The following ZCWPW2 variants were observed in gnomAD, a reference collection of about 807,000 sequenced individuals.
ZCWPW2 encodes zinc finger CW-type and PWWP domain containing 2, also known as zinc finger CW-type PWWP domain protein 2.
In ZCWPW2, 45 loss-of-function variants were observed where a neutral mutation model predicts 46.6. The observed-to-expected ratio is 0.96, with a 90% confidence interval of 0.76 to 1.24. The LOEUF (loss-of-function observed/expected upper bound fraction) is 1.24. Ranked by LOEUF, ZCWPW2 falls within the 50% of genes most tolerant of loss-of-function variation. The pLI is 0.00. For missense variants in ZCWPW2, 429 were observed against 403.9 expected (o/e 1.06, Z -0.53); for synonymous variants, 152 against 137.1 (o/e 1.11, Z -0.76).
intron 1 of ZCWPW2, among the ~76,000 whole-genome samples, chr3:28,373,900 C>T (rs993464028): frequency 6.6e-6 from 1 of 152,106 alleles, no homozygotes; most frequent in Non-Finnish European, 1.5e-5. Context: ...GGTTATTAAT[C>T]CCATCTCAGA....
At chr3:28,424,138 T>C (rs1320956877) in intron 3 of ZCWPW2, among the ~76,000 whole-genome samples, 2 of 152,044 alleles carry the variant, frequency 1.3e-5, no homozygotes. Flanking sequence ...ATATTCTGGC[T>C]CACTACCTTG....
At chr3:28,422,386 C>G (rs1696828205) in intron 3 of ZCWPW2, among the ~76,000 whole-genome samples, 1 of 152,134 alleles carries the variant, frequency 6.6e-6, no homozygotes, top group African/African-American at 2.4e-5. Context: ...ACCCTTCTAT[C>G]CCTCCAAACT....
intron 3 of ZCWPW2, among the ~76,000 whole-genome samples, chr3:28,423,978 G>A (rs1367927089): frequency 6.6e-6 from 1 of 152,024 alleles, no homozygotes; most frequent in African/African-American, 2.4e-5. Flanking sequence ...GGTGGTGTGT[G>A]TCAGGTTTGG....
At chr3:28,434,378 T>C (rs1167587104) in intron 3 of ZCWPW2, among the ~76,000 whole-genome samples, 1 of 152,078 alleles carries the variant, frequency 6.6e-6, no homozygotes, top group Non-Finnish European at 1.5e-5. Context: ...AAAAGTAGAA[T>C]AGAATGGGTA....
chr3:28,435,488 T>G (rs865868341), intron 4 of ZCWPW2, among the ~76,000 whole-genome samples: 348 of 147,566 alleles, frequency 2.4e-3, no homozygotes, highest in African/African-American at 7.9e-3. Flanking sequence ...TTTCTGTCTT[T>G]TTTTTTTTTT....
chr3:28,369,164 A>G (rs6804419), intron 1 of ZCWPW2, among the ~76,000 whole-genome samples: 3,990 of 152,242 alleles, frequency 0.026, 152 homozygotes, highest in African/African-American at 0.085. Flanking sequence ...CAACTCGTCA[A>G]AGTCATTCTC....
At chr3:28,432,871 G>T (rs984201101) in intron 3 of ZCWPW2, among the ~76,000 whole-genome samples, 7 of 152,146 alleles carry the variant, frequency 4.6e-5, no homozygotes, top group African/African-American at 1.7e-4. Flanking sequence ...ATCTTTTTCA[G>T]TTTTATTTCA....
chr3:28,407,568 G>A (rs1407529054), intron 2 of ZCWPW2, among the ~76,000 whole-genome samples: 1 of 152,132 alleles, frequency 6.6e-6, no homozygotes, highest in Non-Finnish European at 1.5e-5. Flanking sequence ...ATTTTGAGTG[G>A]TTAACTAATT....
At chr3:28,430,764 T>G (rs776268324) in intron 3 of ZCWPW2, among the ~76,000 whole-genome samples, 14 of 152,080 alleles carry the variant, frequency 9.2e-5, no homozygotes, top group Middle Eastern at 3.2e-3. Flanking sequence ...CTCATGAGAT[T>G]TGATGGTTTT....
intron 2 of ZCWPW2, among the ~76,000 whole-genome samples, chr3:28,403,823 G>A (rs1245375433): frequency 6.6e-6 from 1 of 152,130 alleles, no homozygotes; most frequent in Non-Finnish European, 1.5e-5. Context: ...AATGGTGCTG[G>A]GATAATTGGC....
chr3:28,468,358 A>C (rs1698906390), intron 4 of ZCWPW2, among the ~76,000 whole-genome samples: 1 of 152,140 alleles, frequency 6.6e-6, no homozygotes, highest in African/African-American at 2.4e-5. Flanking sequence ...TATTGGCCTT[A>C]AAGAGGAAGT....
At chr3:28,496,136 A>G (rs1390745602) in intron 6 of ZCWPW2, among the ~76,000 whole-genome samples, 5 of 152,062 alleles carry the variant, frequency 3.3e-5, no homozygotes, top group Non-Finnish European at 5.9e-5. Context: ...TTTACTGAAC[A>G]CTTGGTAACA....
At chr3:28,421,633 G>A (rs955534084) in intron 3 of ZCWPW2, among the ~76,000 whole-genome samples, 1 of 151,890 alleles carries the variant, frequency 6.6e-6, no homozygotes, top group African/African-American at 2.4e-5. Flanking sequence ...CCCAGCTGAG[G>A]AATATAAAGT....
At chr3:28,460,767 G>A (rs1219104256) in intron 4 of ZCWPW2, among the ~76,000 whole-genome samples, 2 of 152,184 alleles carry the variant, frequency 1.3e-5, no homozygotes, top group Admixed American at 6.5e-5. Flanking sequence ...GGAAAAGAGC[G>A]ATAGCTTTGG....
chr3:28,515,440 C>A, intron 7 of ZCWPW2, 114 bp from the exon 8 acceptor site: 1 of 794,386 alleles, frequency 1.3e-6, no homozygotes, highest in Non-Finnish European at 2.0e-6. Flanking sequence ...AGAGAATTAC[C>A]TTTAGAAAAT....
intron 1 of ZCWPW2, among the ~76,000 whole-genome samples, chr3:28,355,489 G>GA (rs1327130223): frequency 2.0e-5 from 3 of 152,206 alleles, no homozygotes; most frequent in Admixed American, 1.3e-4. Context: ...CACAGAATTG[G>GA]AAAAAACTAC....
At chr3:28,522,962 A>G (rs556359264) in intron 9 of ZCWPW2, among the ~76,000 whole-genome samples, 1 of 152,288 alleles carries the variant, frequency 6.6e-6, no homozygotes, top group African/African-American at 2.4e-5. Flanking sequence ...ATACAGCCAG[A>G]TTGATCTTTA....
rs369729126 is a variant in ZCWPW2, at chr3:28,435,578, T to C, written c.492+309T>C. On this transcript the variant is annotated intron_variant, in intron 4 of 9. Coordinates refer to ENST00000383768, the MANE Select transcript of ZCWPW2 (RefSeq NM_001040432.4). ...TCGGCTCACTGCAAGCTCCGCCTCC[T>C]GGGTTCACGCCATTCTCCTGCCTCA... Among the ~76,000 whole-genome samples the C allele has an allele frequency of 4.0e-5, 6 of 150,332 alleles. No homozygotes were observed. In the East Asian group the frequency reaches 6.0e-4, roughly 15 times the overall value.
intron 1 of ZCWPW2, among the ~76,000 whole-genome samples, chr3:28,380,447 A>T (rs1256473584): frequency 6.6e-6 from 1 of 152,162 alleles, no homozygotes; most frequent in Non-Finnish European, 1.5e-5. Context: ...TACTCAAAGA[A>T]TCACCTGAAT....
Sources: gnomAD v4.1 joint callset for allele counts (sites outside exome capture counted in the v4.1 genomes callset) on GRCh38, gnomAD v4.1.1 for gene constraint, MANE v1.5 for transcripts, NCBI Gene and HGNC (gene_info 2026-07-23, HGNC 2026-07-21) for gene names.